RFX4: variants seen among roughly 807,000 people sequenced by gnomAD.
The protein encoded by RFX4 is regulatory factor X4.
A neutral mutation model predicts 95.0 loss-of-function variants in RFX4; 10 were observed. That is an observed-to-expected ratio of 0.11 (90% CI 0.06 to 0.18). The LOEUF is 0.18. Among genes scored for constraint, RFX4 ranks in the 10% least tolerant of loss-of-function variants. The pLI, the probability that RFX4 is intolerant of heterozygous loss-of-function variation, is 1.00. For synonymous variants in RFX4, 321 were observed against 340.7 expected (o/e 0.94, Z 0.64); for missense variants, 640 against 922.0 (o/e 0.69, Z 3.96).
At position 106,762,502 on chromosome 12, in the gene RFX4, AT is replaced by A. The variant is rs975392572; in HGVS notation, c.*1039del. On this transcript the variant is annotated 3_prime_UTR_variant, in exon 18 of 18. Transcript: ENST00000392842. ...TAAAAATGTATTGTACTTTTGGAGA[AT>A]TTTTTGTAGGCATTTTTCTGTCAGA... 1 of 152,556 alleles carries A rather than the reference AT, an allele frequency of 6.6e-6. No homozygotes were observed. The highest frequency in any genetic ancestry group is 1.5e-5 in the Non-Finnish European group (1 of 68,024). 9.5% of individuals were successfully genotyped at this position (152,556 alleles called of 1,614,324 possible). A position where few individuals can be genotyped will look rare whatever the true frequency, so the allele number is the denominator to read the frequency against.
chr12:106,614,916 T>C (rs957611014), intron 2 of RFX4, among the ~76,000 whole-genome samples: 3 of 152,240 alleles, frequency 2.0e-5, no homozygotes, highest in Non-Finnish European at 4.4e-5. Context: ...GTAAAAGTAT[T>C]ACAAATATCT....
At chr12:106,589,668 C>T (rs1265208366) in intron 1 of RFX4, among the ~76,000 whole-genome samples, 2 of 152,152 alleles carry the variant, frequency 1.3e-5, no homozygotes, top group Admixed American at 6.5e-5. Flanking sequence ...ACTCTGCTGT[C>T]GTGATAGGTC....
chr12:106,594,579 A>G (rs1285596007), intron 1 of RFX4, among the ~76,000 whole-genome samples: 1 of 152,206 alleles, frequency 6.6e-6, no homozygotes, highest in African/African-American at 2.4e-5. Context: ...GCTGCCTCAC[A>G]GGGCACAGCT....
chr12:106,729,220 TTTC>T, intron 13 of RFX4, among the ~76,000 whole-genome samples: 1 of 152,338 alleles, frequency 6.6e-6, no homozygotes, highest in East Asian at 1.9e-4. Flanking sequence ...TCATAGTACA[TTTC>T]TCTCTTTCTA....
intron 17 of RFX4, among the ~76,000 whole-genome samples, chr12:106,757,240 A>G (rs1392454315): frequency 6.6e-6 from 1 of 152,122 alleles, no homozygotes; most frequent in Non-Finnish European, 1.5e-5. Context: ...CCTGACTCTA[A>G]AGGCTCAGCA....
chr12:106,741,259 A>T (rs1412312972), intron 15 of RFX4, among the ~76,000 whole-genome samples: 1 of 152,124 alleles, frequency 6.6e-6, no homozygotes, highest in African/African-American at 2.4e-5. Flanking sequence ...TCCAGCCTGC[A>T]TGACAGAGTG....
intron 5 of RFX4, chr12:106,685,051 G>T: frequency 9.7e-6 from 13 of 1,345,402 alleles, no homozygotes; most frequent in Admixed American, 4.5e-5. Flanking sequence ...CATGGGTAGA[G>T]AAAAGTAGTT....
intron 11 of RFX4, among the ~76,000 whole-genome samples, chr12:106,718,836 C>T (rs534100061): frequency 1.1e-4 from 16 of 151,922 alleles, no homozygotes; most frequent in Admixed American, 6.5e-4. Flanking sequence ...TCCAGCCGGG[C>T]GTGGTGGTGC....
chr12:106,656,309 C>A (rs1056684822), intron 4 of RFX4, among the ~76,000 whole-genome samples: 4 of 152,176 alleles, frequency 2.6e-5, no homozygotes, highest in Admixed American at 1.3e-4. Flanking sequence ...TACTCAAGAG[C>A]CACATGTGAC....
At chr12:106,659,676 A>G (rs1355510860) in intron 4 of RFX4, among the ~76,000 whole-genome samples, 2 of 152,234 alleles carry the variant, frequency 1.3e-5, no homozygotes, top group Non-Finnish European at 2.9e-5. Context: ...TGAAGTAGAT[A>G]CTGTTATTGT....
At chr12:106,686,288 G>A (rs913921780) in intron 5 of RFX4, among the ~76,000 whole-genome samples, 1 of 152,030 alleles carries the variant, frequency 6.6e-6, no homozygotes, top group Admixed American at 6.6e-5. Context: ...GCACATGCCT[G>A]TAATCCCAGC....
intron 4 of RFX4, among the ~76,000 whole-genome samples, chr12:106,676,990 C>T (rs2041404698): frequency 1.3e-5 from 2 of 152,184 alleles, no homozygotes; most frequent in Admixed American, 1.3e-4. Context: ...TGCATCTGAG[C>T]TGTGTGGCTT....
At chr12:106,712,761 G>C (rs1446994131) in intron 10 of RFX4, among the ~76,000 whole-genome samples, 2 of 143,780 alleles carry the variant, frequency 1.4e-5, no homozygotes, top group Non-Finnish European at 3.1e-5. Context: ...TGGGATTCAG[G>C]AAAGAAGGTG....
At chr12:106,612,682 A>G (rs1474261596) in intron 2 of RFX4, among the ~76,000 whole-genome samples, 1 of 152,204 alleles carries the variant, frequency 6.6e-6, no homozygotes, top group African/African-American at 2.4e-5. Flanking sequence ...TACTAAAAAT[A>G]CAAAAATTAG....
rs1031292227 is a variant in RFX4 at position 106,595,234 on chromosome 12, C to G, written c.43+11871C>G. Among the ~76,000 whole-genome samples the G allele has an allele frequency of 2.0e-5, 3 of 152,200 alleles. No homozygotes were observed. The East Asian group carries it at 5.8e-4, about 29-fold the overall frequency. On this transcript the variant is annotated intron_variant, in intron 1 of 17. Transcript: ENST00000392842. ...CCCTAGTGTCAAACCAGGATTTGAA[C>G]ACGGATTACTGTGATTCCAAAGCCA...
intron 1 of RFX4, among the ~76,000 whole-genome samples, chr12:106,605,179 A>C (rs2039801972): frequency 6.6e-6 from 1 of 152,244 alleles, no homozygotes; most frequent in African/African-American, 2.4e-5. Flanking sequence ...TTATGAAATC[A>C]CATCATCTAC....
intron 4 of RFX4, among the ~76,000 whole-genome samples, chr12:106,680,214 T>A (rs1413051827): frequency 7.9e-5 from 12 of 152,218 alleles, no homozygotes; most frequent in Admixed American, 7.9e-4. Context: ...GATTCTCTGA[T>A]GCTGAAATGC....
In RFX4 at chr12:106,628,615, T is replaced by C. The variant is rs763426439; in HGVS notation, c.131-10717T>C. 2.0e-5 allele frequency among the ~76,000 whole-genome samples: 3 copies of C among 152,166 alleles called. 1 individual carries two copies. The highest frequency in any genetic ancestry group is 1.3e-4 in the Admixed American group (2 of 15,266). The stretch of plus-strand genomic sequence containing the variant: ...CCATATGGTCCAACAATCAAAATGC[T>C]TTAAAAGGTACTCATTGAGAAGTCC... On this transcript the variant is annotated intron_variant, in intron 2 of 17. Coordinates refer to ENST00000392842, the MANE Select transcript of RFX4 (RefSeq NM_213594.3).
intron 2 of RFX4, among the ~76,000 whole-genome samples, chr12:106,614,624 T>G (rs918904993): frequency 6.6e-5 from 10 of 152,060 alleles, no homozygotes; most frequent in Middle Eastern, 6.8e-3. Context: ...TTCTCCTGCC[T>G]CAGCCTCCTG....
Sources: allele counts gnomAD v4.1 joint callset (sites outside exome capture counted in the v4.1 genomes callset), GRCh38; gene constraint gnomAD v4.1.1; transcripts MANE v1.5; gene names NCBI Gene and HGNC (gene_info 2026-07-23, HGNC 2026-07-21).